Variants in CUL4B observed in about 807,000 individuals in gnomAD.
CUL4B encodes the protein cullin-4B.
A neutral mutation model predicts 69.2 loss-of-function variants in CUL4B; 1 was observed. That is an observed-to-expected ratio of 0.01 (90% CI 0.01 to 0.07). The LOEUF is 0.07. CUL4B is among the 10% of genes least tolerant of loss of function. The pLI is 1.00. For missense variants in CUL4B, 328 were observed against 638.8 expected (o/e 0.51, Z 5.24); for synonymous variants, 237 against 223.2 (o/e 1.06, Z -0.55).
At position 120,560,423 on chromosome X, in the gene CUL4B, G is replaced by C. The variant is rs771812305; in HGVS notation, c.216C>G (p.Pro72=). 8.3e-7 allele frequency: 1 copy of C among 1,210,065 alleles called. No individual in the cohort carries two copies. The highest frequency in any genetic ancestry group is 2.2e-5 in the Admixed American group (1 of 45,943). Residue 72 remains proline, a synonymous_variant, in exon 1 of 20, where the codon CCC becomes CCG. Coordinates refer to ENST00000371322, the MANE Select transcript of CUL4B (RefSeq NM_001079872.2). The part of the protein sequence containing the change: ...SSSSSTPPLQ[P]RDSASPSTSS... The stretch of plus-strand genomic sequence containing the variant: ...AGGTTGAAGGGGATGCCGAATCCCT[G>C]GGTTGTAAAGGAGGAGTGGAAGAGG...
chrX:120,558,966 C>A (rs1925133450), intron 1 of CUL4B, among the ~76,000 whole-genome samples: 1 of 111,214 alleles, frequency 9.0e-6, no homozygotes. Flanking sequence ...GAAAGCTCTA[C>A]TATTAAATCA....
At chrX:120,534,442 T>C in intron 17 of CUL4B, 39 bp downstream of exon 17, 1 of 854,331 alleles carries the variant, frequency 1.2e-6, no homozygotes, top group Non-Finnish European at 1.8e-6. Flanking sequence ...CTTAACATAG[T>C]GGTGTGCACA....
rs931746412 is a variant in CUL4B at position 120,534,730 on chromosome X, T to C, written c.2161-144A>G. The C allele has an allele frequency of 2.1e-5, 10 of 484,701 alleles. No individual in the cohort carries two copies. The African/African-American group carries it at 2.4e-4, about 11-fold the overall frequency. 39.9% of individuals were successfully genotyped at this position (484,701 alleles called of 1,213,427 possible). On this transcript the variant is annotated intron_variant, in intron 16 of 19. Transcript: ENST00000371322. ...CCAGCAAAGCCACTTGACGTGGTAATACAGTATTTCAGTGTGAGGTTTAGG... is the reference window on the plus strand; with the variant it reads ...CCAGCAAAGCCACTTGACGTGGTAACACAGTATTTCAGTGTGAGGTTTAGG...
At chrX:120,544,453 T>C (rs374157027) in intron 6 of CUL4B, 28 bp downstream of exon 6, 6 of 1,202,645 alleles carry the variant, frequency 5.0e-6, no homozygotes, top group African/African-American at 1.8e-5. Flanking sequence ...CAATCAGCTC[T>C]GTATAGTAGG....
In CUL4B at chrX:120,525,004, G is replaced by A. The variant is rs1251983669; in HGVS notation, c.*1757C>T. On this transcript the variant is annotated 3_prime_UTR_variant, in exon 20 of 20. Coordinates refer to ENST00000371322, the MANE Select transcript of CUL4B (RefSeq NM_001079872.2). ...GTTAGAACACTGTTGTTGATGGTCC[G>A]GTATGAAGAGAGGGTAAACAAAATA... 4.5e-5 allele frequency: 5 copies of A among 111,643 alleles called. No individual in the cohort carries two copies. The highest frequency in any genetic ancestry group is 6.5e-5 in the African/African-American group (2 of 30,650). 9.2% of individuals were successfully genotyped at this position (111,643 alleles called of 1,213,427 possible).
chrX:120,572,479 A>AG (rs1184509644), intron 2 of CUL4B, among the ~76,000 whole-genome samples: 191 of 107,340 alleles, frequency 1.8e-3, no homozygotes, highest in African/African-American at 6.4e-3. Flanking sequence ...AAAAAAAAAA[A>AG]AAAAGAAAAA....
upstream of CUL4B, among the ~76,000 whole-genome samples, chrX:120,566,212 C>G (rs1892308592): frequency 9.5e-6 from 1 of 105,701 alleles, no homozygotes; most frequent in Admixed American, 1.0e-4. Context: ...TCCAACTACA[C>G]AATGTGAATT....
At chrX:120,570,939 C>A (rs773563529), downstream of CUL4B, among the ~76,000 whole-genome samples, 26 of 108,871 alleles carry the variant, frequency 2.4e-4, no homozygotes, top group Non-Finnish European at 4.4e-4. Context: ...CACCTGTAGT[C>A]CCAGCTACTT....
chrX:120,571,741 A>AT (rs1925717218), exon 3 of CUL4B: 2 of 110,673 alleles, frequency 1.8e-5, no homozygotes, highest in African/African-American at 6.6e-5. Context: ...TTATACACAT[A>AT]TTTTTTCAAT....
At chrX:120,561,172 G>C (rs1925281755), upstream of CUL4B, 1 of 786,541 alleles carries the variant, frequency 1.3e-6, no homozygotes. Context: ...CAGCCGCCCG[G>C]GGGGCGGGGG....
intron 8 of CUL4B, 40 bp downstream of exon 8, chrX:120,543,687 C>G (rs1382748086): frequency 1.0e-6 from 1 of 974,155 alleles, no homozygotes; most frequent in Non-Finnish European, 1.5e-6. Flanking sequence ...AGTGATTTAA[C>G]GACAGTTTAA....
upstream of CUL4B, among the ~76,000 whole-genome samples, chrX:120,562,866 A>G (rs1452931033): frequency 8.9e-6 from 1 of 112,080 alleles, no homozygotes; most frequent in Non-Finnish European, 1.9e-5. Context: ...TCTACTCTGT[A>G]GGCGATCATA....
In CUL4B at chrX:120,544,181, T is replaced by A; in HGVS notation, c.1106A>T (p.Gln369Leu). 1 of 1,201,132 alleles carries A rather than the reference T, an allele frequency of 8.3e-7. No homozygotes were observed. The highest frequency in any genetic ancestry group is 1.1e-6 in the Non-Finnish European group (1 of 886,024). ...DLQIYQDSFE[Q>L]RFLEETNRLY... is the part of the protein sequence containing the mutation. ...CCGGTTAGTTTCTTCCAAAAATCGT[T>A]GTTCAAAAGAATCTTGATAAATCTG... Residue 369 changes from glutamine (Q) to leucine (L), a missense_variant, in exon 7 of 20, where the codon CAA (glutamine) becomes CTA (leucine). Gln to Leu is a moderately radical substitution (Grantham distance 113, BLOSUM62 -2). Coordinates refer to ENST00000371322, the MANE Select transcript of CUL4B (RefSeq NM_001079872.2).
intron 2 of CUL4B, among the ~76,000 whole-genome samples, chrX:120,555,518 T>C (rs780104726): frequency 9.0e-6 from 1 of 111,242 alleles, no homozygotes; most frequent in Non-Finnish European, 1.9e-5. Flanking sequence ...GGTATATTAG[T>C]GAGGTGGTAC....
rs767875072 is a variant in CUL4B, at chrX:120,543,781, T to C, written c.1202A>G (p.Lys401Arg). 1.7e-6 allele frequency: 2 copies of C among 1,199,517 alleles called. No individual in the cohort carries two copies. The highest frequency in any genetic ancestry group is 2.3e-6 in the Non-Finnish European group (2 of 884,505). ...EVPEYLHHVN[K>R]RLEEEADRLI... ...TCTGTCTGCTTCTTCTTCTAGACGT[T>C]TGTTAACATGATGTAGATATTCAGG... Residue 401 changes from lysine to arginine, a missense_variant, in exon 8 of 20, where the codon AAA becomes AGA. This residue lies in a region of CUL4B where 126 missense variants were observed against 202.5 expected (regional missense o/e 0.62). Coordinates refer to ENST00000371322, the MANE Select transcript of CUL4B (RefSeq NM_001079872.2).
At position 120,560,774 on chromosome X, in the gene CUL4B, GAAAGTGAA is replaced by G; in HGVS notation, c.-144_-137del. On this transcript the variant is annotated 5_prime_UTR_variant, in exon 1 of 20. Transcript: ENST00000371322. ...GAGGAGAAACACAGAGGACGAGAAG[GAAAGTGAA>G]GGGGGGGGCTACACCGGGGGAATGG... The G allele has an allele frequency of 1.8e-6, 1 of 558,665 alleles. No individual in the cohort carries two copies. The highest frequency in any genetic ancestry group is 4.5e-5 in the South Asian group (1 of 22,243). 46.0% of individuals were successfully genotyped at this position (558,665 alleles called of 1,213,427 possible).
At chrX:120,544,316 T>C in intron 6 of CUL4B, 113 bp from the exon 7 acceptor site, 1 of 796,010 alleles carries the variant, frequency 1.3e-6, no homozygotes, top group Non-Finnish European at 1.9e-6. Flanking sequence ...CAAGCTAGGA[T>C]CCTTTTGTAG....
intron 2 of CUL4B, among the ~76,000 whole-genome samples, chrX:120,556,498 G>C (rs1392100882): frequency 9.0e-6 from 1 of 111,322 alleles, no homozygotes; most frequent in East Asian, 2.8e-4. Context: ...TTGTGAGACA[G>C]GTAGGGCAAA....
Position 120,538,699 on chromosome X carries a change from C to T in CUL4B, c.1813G>A (p.Val605Ile). ...KRLLVGKSAS[V>I]DAEKSMLSKL... ...GACAGCATTGATTTTTCAGCATCTA[C>T]AGATGCACTCTTTCCGACTAACAGG... is the stretch of plus-strand genomic sequence containing the variant. The change falls in exon 13 of 20, where the codon GTA becomes ATA. Residue 605 changes from valine to isoleucine, a missense_variant. Val to Ile is a conservative substitution (Grantham distance 29). Around this residue, in one of 4 missense-constraint regions of CUL4B, gnomAD observed 98 missense variants for 296.8 expected, o/e 0.33. Coordinates refer to ENST00000371322, the MANE Select transcript of CUL4B (RefSeq NM_001079872.2). The T allele has an allele frequency of 8.3e-7, 1 of 1,204,458 alleles. No homozygotes were observed. Among genetic ancestry groups the T allele is most frequent in the Non-Finnish European group, 1.1e-6 (1 of 889,181 alleles).
Sources: gnomAD v4.1 joint callset for allele counts (sites outside exome capture counted in the v4.1 genomes callset) on GRCh38, gnomAD v4.1.1 for gene constraint, gnomAD v4.1.1 regional missense constraint, MANE v1.5 for transcripts, NCBI Gene and HGNC (gene_info 2026-07-23, HGNC 2026-07-21) for gene names.